The following NAV1 variants were observed in gnomAD, a reference collection of about 807,000 sequenced individuals.
NAV1 encodes the protein pore membrane and/or filament interacting like protein 3.
NAV1 carries 18 observed loss-of-function variants against 175.2 expected under a neutral mutation model. The ratio of observed to expected loss-of-function variants is 0.10; its 90% CI spans 0.07 to 0.15. The LOEUF is 0.15. Among genes scored for constraint, NAV1 ranks in the 10% least tolerant of loss-of-function variants. The pLI, the probability that NAV1 is intolerant of heterozygous loss-of-function variation, is 1.00. For missense variants in NAV1, 1,731 were observed against 2,436.6 expected (o/e 0.71, Z 6.10); for synonymous variants, 897 against 978.7 (o/e 0.92, Z 1.56).
intron 1 of NAV1, among the ~76,000 whole-genome samples, chr1:201,708,194 C>CT (rs952496995): frequency 2.0e-5 from 3 of 152,180 alleles, no homozygotes; most frequent in African/African-American, 4.8e-5. Context: ...CCAGTGCATG[C>CT]TGGGACTATG....
At chr1:201,571,338 A>T (rs1666537508) in intron 1 of NAV1, among the ~76,000 whole-genome samples, 1 of 152,256 alleles carries the variant, frequency 6.6e-6, no homozygotes, top group Non-Finnish European at 1.5e-5. Flanking sequence ...TGCGTGACAC[A>T]TAATTGGTGC....
chr1:201,756,960 C>A (rs1674549663), intron 3 of NAV1, among the ~76,000 whole-genome samples: 1 of 151,786 alleles, frequency 6.6e-6, no homozygotes, highest in South Asian at 2.1e-4. Flanking sequence ...CCAAAAGTTT[C>A]CTTCTGTGGT....
At chr1:201,721,461 G>T (rs1672381292) in intron 3 of NAV1, among the ~76,000 whole-genome samples, 1 of 152,204 alleles carries the variant, frequency 6.6e-6, no homozygotes, top group Non-Finnish European at 1.5e-5. Flanking sequence ...TAGTAACAGG[G>T]CAACCTGGAT....
intron 1 of NAV1, among the ~76,000 whole-genome samples, chr1:201,684,795 C>A (rs1330330679): frequency 6.6e-6 from 1 of 150,832 alleles, no homozygotes; most frequent in Non-Finnish European, 1.5e-5. Flanking sequence ...TAAAAAACCC[C>A]AATTCTTAAT....
intron 1 of NAV1, among the ~76,000 whole-genome samples, chr1:201,571,628 C>A (rs1242226480): frequency 6.6e-6 from 1 of 152,226 alleles, no homozygotes; most frequent in Non-Finnish European, 1.5e-5. Flanking sequence ...ACTGCAAGGG[C>A]CCCTTCAATT....
At chr1:201,632,697 G>A (rs556872000) in intron 2 of NAV1, among the ~76,000 whole-genome samples, 3 of 152,322 alleles carry the variant, frequency 2.0e-5, no homozygotes, top group African/African-American at 7.2e-5. Flanking sequence ...ATCATAGTAC[G>A]TGTTATCAGG....
chr1:201,786,680 C>T, intron 9 of NAV1, 103 bp downstream of exon 13: 4 of 1,183,200 alleles, frequency 3.4e-6, no homozygotes, highest in Non-Finnish European at 4.8e-6. Flanking sequence ...ATGTTTGACT[C>T]ATGCTGTATT....
At chr1:201,741,955 G>A (rs114150493) in intron 3 of NAV1, among the ~76,000 whole-genome samples, 6 of 152,190 alleles carry the variant, frequency 3.9e-5, no homozygotes, top group Non-Finnish European at 5.9e-5. Flanking sequence ...CCATAGCCCA[G>A]GTTGAGGAGC....
At position 201,628,233 on chromosome 1, in the gene NAV1, T is replaced by A. The variant is rs1209294405; in HGVS notation, c.-100-1171T>A. 2.0e-5 allele frequency among the ~76,000 whole-genome samples: 3 copies of A among 151,658 alleles called. No homozygotes were observed. The East Asian group carries it at 5.8e-4, about 30-fold the overall frequency. ...GGCCAGGATGAGGCCTCCTGCTTTC[T>A]CTAACGACACCCCACCCTGCACTAT... On this transcript the variant is annotated intron_variant, in intron 1 of 29. Coordinates refer to the NAV1 transcript ENST00000367302.
rs751208583 is a variant in NAV1, at chr1:201,809,926, C to T, written c.4402-20C>T. 3.7e-6 allele frequency: 6 copies of T among 1,600,876 alleles called. No homozygotes were observed. The Admixed American group carries it at 6.8e-5, about 18-fold the overall frequency. ...TGTGTTTGTATATTTTCTTCTTCTT[C>T]TGCCTGTCTTTTCTGTCAGGACTAT... On this transcript the variant is annotated intron_variant, in intron 22 of 29. Coordinates refer to ENST00000367296, the Ensembl canonical transcript of NAV1.
intron 1 of NAV1, among the ~76,000 whole-genome samples, chr1:201,690,491 C>T (rs1180304124): frequency 2.2e-5 from 3 of 139,254 alleles, no homozygotes; most frequent in Non-Finnish European, 4.7e-5. Flanking sequence ...TATTTCCTCT[C>T]TGGCCTGTCT....
intron 1 of NAV1, among the ~76,000 whole-genome samples, chr1:201,586,699 A>G (rs1667038870): frequency 6.6e-6 from 1 of 152,004 alleles, no homozygotes. Context: ...AGGGGGAGAG[A>G]GAGAGATCTT....
intron 2 of NAV1, among the ~76,000 whole-genome samples, chr1:201,713,200 C>T (rs1020200129): frequency 2.6e-5 from 4 of 152,238 alleles, no homozygotes; most frequent in Non-Finnish European, 5.9e-5. Flanking sequence ...TTACACAGCT[C>T]AATGTGTGAT....
intron 1 of NAV1, 21 bp downstream of exon 3, chr1:201,623,627 G>A: frequency 1.0e-6 from 1 of 986,518 alleles, no homozygotes; most frequent in Non-Finnish European, 1.2e-6. Context: ...GAGCAGGCAG[G>A]GAGGGAAGGG....
intron 1 of NAV1, among the ~76,000 whole-genome samples, chr1:201,549,814 T>C (rs1036449153): frequency 2.0e-5 from 3 of 149,976 alleles, no homozygotes; most frequent in Non-Finnish European, 4.4e-5. Context: ...ATCGAGAACA[T>C]CCTGGCTAAC....
chr1:201,772,945 ATG>A (rs1675688878), intron 3 of NAV1, among the ~76,000 whole-genome samples: 1 of 151,642 alleles, frequency 6.6e-6, no homozygotes, highest in African/African-American at 2.4e-5. Context: ...AGGCAGGAGA[ATG>A]GCATGAACCT....
chr1:201,642,524 T>TCA (rs879837511), intron 2 of NAV1, among the ~76,000 whole-genome samples: 1 of 108,826 alleles, frequency 9.2e-6, no homozygotes, highest in Non-Finnish European at 1.8e-5. Flanking sequence ...TTTCTTTCTT[T>TCA]TTTTCTTTCT....
intron 15 of NAV1, among the ~76,000 whole-genome samples, chr1:201,801,286 GA>G (rs1677850690): frequency 6.6e-6 from 1 of 152,176 alleles, no homozygotes; most frequent in Non-Finnish European, 1.5e-5. Context: ...AGTATCAAGG[GA>G]AAATTAGAGT....
chr1:201,698,843 C>G (rs1002019292), intron 1 of NAV1, among the ~76,000 whole-genome samples: 1 of 152,208 alleles, frequency 6.6e-6, no homozygotes, highest in South Asian at 2.1e-4. Context: ...AAAGCCTGCC[C>G]TTACCTTTGC....
Sources: gnomAD v4.1 joint callset for allele counts (sites outside exome capture counted in the v4.1 genomes callset) on GRCh38, gnomAD v4.1.1 for gene constraint, MANE v1.5 for transcripts, NCBI Gene and HGNC (gene_info 2026-07-23, HGNC 2026-07-21) for gene names.